Variants in TTC34 observed in about 807,000 individuals in gnomAD.
The protein encoded by TTC34 is tetratricopeptide repeat protein 34.
Under a neutral mutation model 40.7 loss-of-function variants are expected in TTC34, and 44 were observed. That is an observed-to-expected ratio of 1.08 (90% confidence interval 0.85 to 1.39). The LOEUF is 1.39. TTC34 is among the 40% of genes most tolerant of loss of function. TTC34 has a pLI of 0.00. For synonymous variants in TTC34, 422 were observed against 398.6 expected, an observed-to-expected ratio of 1.06 and a Z score of -0.70; for missense variants, 884 against 838.0, an observed-to-expected ratio of 1.05 and a Z score of -0.68.
exon 3 of TTC34, chr1:2,790,309 G>T (rs977310590): frequency 2.5e-5 from 10 of 398,288 alleles, no homozygotes; most frequent in Admixed American, 2.2e-4. Context: ...AGAAGGCCGA[G>T]GCCGCGCGGG....
Position 2,685,089 on chromosome 1 carries a change from G to A in TTC34, c.2227-39526C>T, listed in dbSNP as rs1427143500. 2.9e-5 allele frequency among the ~76,000 whole-genome samples: 4 copies of A among 137,670 alleles called. No homozygotes were observed. In the East Asian group the frequency reaches 6.7e-4, roughly 23 times the overall value. 90.3% of individuals were successfully genotyped at this position (137,670 alleles called of 152,430 possible). A position where few individuals can be genotyped will look rare whatever the true frequency, so the allele number is the denominator to read the frequency against. ...AACAGCAGCCTGCACCCCCAGGTGT[G>A]CACGTGACAGCTTGGATCAGCACCC... On this transcript the variant is annotated intron_variant, in intron 6 of 8. Transcript: ENST00000401095.
intron 6 of TTC34, among the ~76,000 whole-genome samples, chr1:2,780,649 A>T (rs1643467855): frequency 6.6e-6 from 1 of 152,054 alleles, no homozygotes; most frequent in Admixed American, 6.6e-5. Context: ...CACTATTTTG[A>T]TCACTGTAGC....
chr1:2,644,300 A>T, exon 8 of TTC34: 1 of 1,535,338 alleles, frequency 6.5e-7, no homozygotes, highest in Non-Finnish European at 8.7e-7. Context: ...CCTCCAGGAG[A>T]TGCAGCAGGC....
At chr1:2,684,911 CCTG>C (rs1321759213) in intron 6 of TTC34, among the ~76,000 whole-genome samples, 6 of 130,372 alleles carry the variant, frequency 4.6e-5, no homozygotes, top group African/African-American at 2.0e-4. Flanking sequence ...GGAACAGCAC[CCTG>C]CACACCCAGG....
chr1:2,752,446 C>G (rs1641353809), intron 6 of TTC34, among the ~76,000 whole-genome samples: 34 of 150,360 alleles, frequency 2.3e-4, no homozygotes, highest in African/African-American at 8.1e-4. Context: ...GAACAGCACC[C>G]TGCACCCCCA....
In TTC34 at chr1:2,796,797, A is replaced by G. The variant is rs1643713797; in HGVS notation, c.784+3247T>C. 6.6e-6 allele frequency among the ~76,000 whole-genome samples: 1 copy of G among 152,038 alleles called. No individual in the cohort carries two copies. Among genetic ancestry groups the G allele is most frequent in the African/African-American group, 2.4e-5 (1 of 41,406 alleles). ...TGACTTTGTTGATCATTTTCTGGTA[A>G]TGCTCAACATATTTGAGCATATTTC... On this transcript the variant is annotated intron_variant, in intron 2 of 8. Coordinates refer to ENST00000401095, the Ensembl canonical transcript of TTC34. The surrounding 1 kb of genome is among the most constrained non-coding windows in gnomAD (Gnocchi z 4.5).
At chr1:2,648,855 C>A (rs141196292) in intron 6 of TTC34, among the ~76,000 whole-genome samples, 1 of 147,138 alleles carries the variant, frequency 6.8e-6, no homozygotes, top group South Asian at 2.2e-4. Flanking sequence ...GGTGAACTTG[C>A]GACAATCCAA....
At chr1:2,757,633 C>G (rs1370567654) in intron 6 of TTC34, among the ~76,000 whole-genome samples, 1 of 126,078 alleles carries the variant, frequency 7.9e-6, no homozygotes, top group African/African-American at 3.5e-5. Context: ...ACCCACACCC[C>G]CAGGTGAGCA....
intron 6 of TTC34, among the ~76,000 whole-genome samples, chr1:2,746,707 C>CGACACCCCCAGGTGAGAATCTGA (rs1641182993): frequency 1.3e-5 from 1 of 77,938 alleles, no homozygotes; most frequent in Non-Finnish European, 2.3e-5. Context: ...GGAGCAGCAC[C>CGACACCCCCAGGTGAGAATCTGA]CACATCCCCA....
At chr1:2,682,058 A>T (rs1570801030) in intron 6 of TTC34, among the ~76,000 whole-genome samples, 1 of 43,782 alleles carries the variant, frequency 2.3e-5, no homozygotes, top group Admixed American at 2.0e-4. Flanking sequence ...GTGGAGCAGC[A>T]CCCCACACCC....
At chr1:2,652,477 A>T (rs917228510) in intron 6 of TTC34, among the ~76,000 whole-genome samples, 6,507 of 127,482 alleles carry the variant, frequency 0.051, no homozygotes, top group East Asian at 0.074. Flanking sequence ...CTGGAGCAGA[A>T]CCCACACCCC....
At chr1:2,685,800 C>T (rs561894066) in intron 6 of TTC34, among the ~76,000 whole-genome samples, 7,388 of 77,916 alleles carry the variant, frequency 0.095, 2 homozygotes, top group Admixed American at 0.12. Context: ...AACCCACACC[C>T]CCAGGTGAGC....
chr1:2,779,376 T>G (rs2100614986), intron 6 of TTC34, among the ~76,000 whole-genome samples: 1 of 152,172 alleles, frequency 6.6e-6, no homozygotes, highest in Admixed American at 6.5e-5. Flanking sequence ...CAGGCTGGAG[T>G]GCAGTGGCAG....
At chr1:2,759,494 G>A (rs1196550843) in intron 6 of TTC34, among the ~76,000 whole-genome samples, 2 of 7,386 alleles carry the variant, frequency 2.7e-4, no homozygotes, top group Non-Finnish European at 6.4e-4. Context: ...GGTGAGCATC[G>A]GGCAGCCTGG....
intron 6 of TTC34, among the ~76,000 whole-genome samples, chr1:2,752,875 G>C (rs1641370916): frequency 6.7e-6 from 1 of 150,194 alleles, no homozygotes; most frequent in African/African-American, 2.5e-5. Flanking sequence ...GCATCTGATG[G>C]CCTGGAACGG....
chr1:2,764,413 C>T (rs1433990987), intron 6 of TTC34, among the ~76,000 whole-genome samples: 31 of 147,808 alleles, frequency 2.1e-4, no homozygotes, highest in Admixed American at 1.4e-3. Context: ...CCTGGAGCAG[C>T]ACCCACACCC....
At chr1:2,687,669 C>A (rs1222856685) in intron 6 of TTC34, among the ~76,000 whole-genome samples, 1 of 151,866 alleles carries the variant, frequency 6.6e-6, no homozygotes, top group Admixed American at 6.6e-5. Context: ...ATCTGACAGG[C>A]TGGAGCAGCA....
intron 6 of TTC34, among the ~76,000 whole-genome samples, chr1:2,685,754 C>G (rs1175319012): frequency 2.0e-5 from 3 of 150,046 alleles, no homozygotes; most frequent in Non-Finnish European, 4.4e-5. Flanking sequence ...GAGCAGAACC[C>G]ACACCCACAG....
At chr1:2,655,470 G>A in intron 6 of TTC34, among the ~76,000 whole-genome samples, 1 of 147,350 alleles carries the variant, frequency 6.8e-6, no homozygotes. Flanking sequence ...GTGAGCATCT[G>A]ATATCCTGGA....
Sources: allele counts gnomAD v4.1 joint callset (sites outside exome capture counted in the v4.1 genomes callset), GRCh38; gene constraint gnomAD v4.1.1; non-coding constraint Gnocchi (gnomAD v3.1); transcripts MANE v1.5; gene names NCBI Gene and HGNC (gene_info 2026-07-23, HGNC 2026-07-21).